Variants in EVC observed in about 807,000 individuals in gnomAD.
EVC encodes evC complex member EVC.
A neutral mutation model predicts 118.9 loss-of-function variants in EVC; 116 were observed. That is an observed-to-expected ratio of 0.98 (90% CI 0.84 to 1.14). The LOEUF (loss-of-function observed/expected upper bound fraction) is 1.14, where lower values mean the gene tolerates loss of function less well. Ranked by LOEUF, EVC falls within the 50% of genes most tolerant of loss-of-function variation. The pLI is 0.00. For missense variants in EVC, 1,401 were observed against 1,246.4 expected (o/e 1.12, Z -1.87); for synonymous variants, 619 against 534.7 (o/e 1.16, Z -2.18).
intron 5 of EVC, among the ~76,000 whole-genome samples, chr4:5,740,487 A>AG (rs1491331367): frequency 6.7e-6 from 1 of 149,902 alleles, no homozygotes; most frequent in East Asian, 1.9e-4. Context: ...AAAAAAAAAA[A>AG]GAAAAAGAAA....
rs140145622 is a variant in EVC at position 5,749,339 on chromosome 4, CG to C, written c.1098+1035del. Among the ~76,000 whole-genome samples, 35 of 87,206 alleles carry C rather than the reference CG, an allele frequency of 4.0e-4. 1 individual carries two copies. The highest frequency in any genetic ancestry group is 8.7e-4 in the Admixed American group (7 of 8,056). The allele number at this position is 87,206 out of a possible 152,430, so 57.2% of individuals were successfully genotyped here. ...ATTAACACTAACGATAGCTGATGAG[CG>C]GAAAAAAAAAAAAAAAAAAAGGTCC... is the stretch of plus-strand genomic sequence containing the variant. On this transcript the variant is annotated intron_variant, in intron 8 of 20. Transcript: ENST00000264956. This position sits in a 1 kb window ranked among gnomAD's most constrained non-coding sequence, Gnocchi z 4.4.
chr4:5,751,391 A>G (rs2152069216), intron 8 of EVC, among the ~76,000 whole-genome samples: 1 of 152,316 alleles, frequency 6.6e-6, no homozygotes, highest in African/African-American at 2.4e-5. Flanking sequence ...TGCCGAATCC[A>G]GCCAGCCTGT....
rs79903876 is a variant in EVC, at chr4:5,798,124, T to A, written c.2098-462T>A. Among the ~76,000 whole-genome samples, 21 of 152,312 alleles carry A rather than the reference T, an allele frequency of 1.4e-4. No homozygotes were observed. Among genetic ancestry groups the A allele is most frequent in the Admixed American group, 4.6e-4 (7 of 15,306 alleles). The stretch of plus-strand genomic sequence containing the variant: ...CAGCCCCGCTCACTTCTTTCTCTCT[T>A]ATTTCTACAAATAAAGGCAGTCCTC... On this transcript the variant is annotated intron_variant, in intron 14 of 20. Transcript: ENST00000264956. The surrounding 1 kb of genome is among the most constrained non-coding windows in gnomAD (Gnocchi z 4.1).
intron 2 of EVC, among the ~76,000 whole-genome samples, chr4:5,728,167 A>G (rs1320331280): frequency 6.6e-6 from 1 of 152,142 alleles, no homozygotes; most frequent in Non-Finnish European, 1.5e-5. Context: ...CTTGGGCAGT[A>G]TGGCCATTTT....
intron 5 of EVC, among the ~76,000 whole-genome samples, chr4:5,736,357 A>G (rs1328745956): frequency 6.6e-6 from 1 of 152,220 alleles, no homozygotes; most frequent in Non-Finnish European, 1.5e-5. Context: ...AGGTCTGTAG[A>G]CAGCAGTATT....
Position 5,798,811 on chromosome 4 carries a change from C to A in EVC, c.2304+19C>A. On this transcript the variant is annotated intron_variant, in intron 15 of 20. Coordinates refer to ENST00000264956, the MANE Select transcript of EVC (RefSeq NM_153717.3). This position sits in a 1 kb window ranked among gnomAD's most constrained non-coding sequence, Gnocchi z 4.1. ...CTTCAAGGTATGCACTGACCTCTGT[C>A]CCTGGGGACACCGAGGGCAAGAATG... 1 of 1,607,360 alleles carries A rather than the reference C, an allele frequency of 6.2e-7. No individual in the cohort carries two copies. Among genetic ancestry groups the A allele is most frequent in the South Asian group, 1.1e-5 (1 of 90,044 alleles).
chr4:5,766,818 A>G (rs963998383), intron 11 of EVC, among the ~76,000 whole-genome samples: 2 of 148,652 alleles, frequency 1.3e-5, no homozygotes, highest in African/African-American at 5.0e-5. Flanking sequence ...AATTTTTTTC[A>G]AAGTTTTCAA....
At chr4:5,730,548 G>A (rs977869975) in intron 3 of EVC, among the ~76,000 whole-genome samples, 1 of 152,160 alleles carries the variant, frequency 6.6e-6, no homozygotes, top group East Asian at 1.9e-4. Context: ...TGGGGATCAC[G>A]CCATAGTCAG....
At chr4:5,726,040 A>C (rs953335593) in intron 2 of EVC, among the ~76,000 whole-genome samples, 23 of 152,300 alleles carry the variant, frequency 1.5e-4, no homozygotes, top group African/African-American at 5.5e-4. Context: ...CTCTTCCTGG[A>C]GAGGTATCTA....
In EVC at chr4:5,810,392, C is replaced by T. The variant is rs1440423656; in HGVS notation, c.2836C>T (p.Leu946=). 4.3e-6 allele frequency: 7 copies of T among 1,613,790 alleles called. No individual in the cohort carries two copies. The highest frequency in any genetic ancestry group is 1.1e-5 in the South Asian group (1 of 90,958). Residue 946 remains leucine, a synonymous_variant, in exon 20 of 21, where the codon CTG becomes TTG. Coordinates refer to ENST00000264956, the MANE Select transcript of EVC (RefSeq NM_153717.3). The stretch of plus-strand genomic sequence containing the variant: ...GCCCCTGCCCCAGGAAAGAGGGGAC[C>T]TGGGGGTGCCCAACAATGAGGACCT... ...KKPLPQERGD[L]GVPNNEDLAS... is the part of the protein sequence containing the mutation.
At chr4:5,816,598 T>C (rs1717715004), downstream of EVC, among the ~76,000 whole-genome samples, 1 of 146,050 alleles carries the variant, frequency 6.8e-6, no homozygotes, top group African/African-American at 2.5e-5. Flanking sequence ...CTCCCTTCTT[T>C]CCTTACCCCC....
At position 5,731,562 on chromosome 4, in the gene EVC, C is replaced by T. The variant is rs776690384; in HGVS notation, c.522C>T (p.Ser174=). The part of the protein sequence containing the change: ...LSQGEKDDCS[S]SSSVHSATSD... ...AGGGTGAGAAGGACGACTGCAGCTC[C>T]TCATCCAGCGTCCACTCGGCCACCA... Residue 174 remains serine, a synonymous_variant, in exon 4 of 21, where the codon TCC becomes TCT. Coordinates refer to ENST00000264956, the MANE Select transcript of EVC (RefSeq NM_153717.3). This position sits in a 1 kb window ranked among gnomAD's most constrained non-coding sequence, Gnocchi z 5.6. 10 of 1,614,152 alleles carry T rather than the reference C, an allele frequency of 6.2e-6. No homozygotes were observed. The South Asian group carries it at 1.1e-4, about 18-fold the overall frequency.
chr4:5,723,594 G>C (rs949671519), intron 2 of EVC, among the ~76,000 whole-genome samples: 3 of 151,982 alleles, frequency 2.0e-5, no homozygotes, highest in Non-Finnish European at 4.4e-5. Flanking sequence ...TTTCTTTGTC[G>C]TTTCTTTTCT....
the EVC span, among the ~76,000 whole-genome samples, chr4:5,822,183 A>C: frequency 6.6e-6 from 1 of 152,210 alleles, no homozygotes; most frequent in Non-Finnish European, 1.5e-5. Flanking sequence ...GTGCTTTAAC[A>C]TGTTACTGCA....
chr4:5,819,779 G>A, the EVC span, among the ~76,000 whole-genome samples: 2 of 150,680 alleles, frequency 1.3e-5, no homozygotes, highest in Admixed American at 1.3e-4. Flanking sequence ...ATCCGTTCTT[G>A]GTCTTTCCAT....
rs1728699722 is a variant in EVC at position 5,742,185 on chromosome 4, A to T, written c.801+371A>T. ...TTTTATGGAAAGTTTATTTTGTCTC[A>T]GGCGCAGCAAAGAGTCAGGGCTTGG... On this transcript the variant is annotated intron_variant, in intron 6 of 20. Coordinates refer to ENST00000264956, the MANE Select transcript of EVC (RefSeq NM_153717.3). This position sits in a 1 kb window ranked among gnomAD's most constrained non-coding sequence, Gnocchi z 5.2. Among the ~76,000 whole-genome samples the T allele has an allele frequency of 6.6e-6, 1 of 151,264 alleles. No homozygotes were observed. The highest frequency in any genetic ancestry group is 2.4e-5 in the African/African-American group (1 of 41,362).
At chr4:5,823,454 A>G in the EVC span, among the ~76,000 whole-genome samples, 4 of 152,176 alleles carry the variant, frequency 2.6e-5, no homozygotes, top group Non-Finnish European at 5.9e-5. Flanking sequence ...AAAAAAGGAC[A>G]CTAATATGGT....
At chr4:5,773,569 A>T (rs1020293508) in intron 11 of EVC, among the ~76,000 whole-genome samples, 6 of 152,110 alleles carry the variant, frequency 3.9e-5, no homozygotes. Flanking sequence ...CTGCAAAGTT[A>T]TGTGGCAAGG....
intron 11 of EVC, among the ~76,000 whole-genome samples, chr4:5,771,868 C>T (rs1174477330): frequency 4.0e-5 from 6 of 151,384 alleles, no homozygotes; most frequent in South Asian, 2.1e-4. Context: ...AACCAGCTAA[C>T]GGAATGTGGC....
Sources: allele counts gnomAD v4.1 joint callset (sites outside exome capture counted in the v4.1 genomes callset), GRCh38; gene constraint gnomAD v4.1.1; non-coding constraint Gnocchi (gnomAD v3.1); transcripts MANE v1.5; gene names NCBI Gene and HGNC (gene_info 2026-07-23, HGNC 2026-07-21).